Variants in LINGO2 observed in about 807,000 individuals in gnomAD.
The protein encoded by LINGO2 is leucine-rich repeat and immunoglobulin-like domain-containing nogo receptor-interacting protein 2.
LINGO2 carries 14 observed loss-of-function variants against 30.6 expected under a neutral mutation model. The observed-to-expected ratio is 0.46, with a 90% CI of 0.30 to 0.72. The LOEUF (loss-of-function observed/expected upper bound fraction) is 0.72, where lower values mean the gene tolerates loss of function less well. Ranked by LOEUF, LINGO2 falls within the 30% of genes least tolerant of loss-of-function variation. The pLI is 0.07. For synonymous variants in LINGO2, 317 were observed against 288.5 expected, an observed-to-expected ratio of 1.10 and a Z score of -1.00; for missense variants, 729 against 751.7, an observed-to-expected ratio of 0.97 and a Z score of 0.35.
chr9:28,868,983 A>G, the LINGO2 span, among the ~76,000 whole-genome samples: 1 of 152,136 alleles, frequency 6.6e-6, no homozygotes, highest in Non-Finnish European at 1.5e-5. Flanking sequence ...AATATAACAA[A>G]TTTCCAGGCC....
the LINGO2 span, among the ~76,000 whole-genome samples, chr9:29,198,197 G>T: frequency 6.6e-6 from 1 of 152,094 alleles, no homozygotes; most frequent in Admixed American, 6.6e-5. Context: ...GGCATTTTCT[G>T]TGTTGGTTTC....
At chr9:28,882,183 T>C in the LINGO2 span, among the ~76,000 whole-genome samples, 9 of 152,222 alleles carry the variant, frequency 5.9e-5, no homozygotes, top group African/African-American at 2.2e-4. Context: ...TTTAATCTTG[T>C]ATATTCAACT....
chr9:28,176,631 T>C (rs1368186671), intron 4 of LINGO2, among the ~76,000 whole-genome samples: 2 of 152,142 alleles, frequency 1.3e-5, no homozygotes, highest in Non-Finnish European at 2.9e-5. Flanking sequence ...TTTCACCTAA[T>C]CTTTACAACA....
the LINGO2 span, among the ~76,000 whole-genome samples, chr9:28,990,132 T>C: frequency 6.6e-6 from 1 of 152,030 alleles, no homozygotes; most frequent in African/African-American, 2.4e-5. Context: ...GAGTTCCCTT[T>C]CCTAGTCAAA....
At chr9:28,213,423 T>C (rs981693723) in intron 4 of LINGO2, among the ~76,000 whole-genome samples, 1 of 151,412 alleles carries the variant, frequency 6.6e-6, no homozygotes, top group Non-Finnish European at 1.5e-5. Flanking sequence ...TCAAACAATT[T>C]CAAGGAAATA....
chr9:28,739,986 C>T, the LINGO2 span, among the ~76,000 whole-genome samples: 2 of 150,086 alleles, frequency 1.3e-5, no homozygotes, highest in African/African-American at 4.9e-5. Flanking sequence ...CTTGTTTTCC[C>T]AGAATAAATT....
At chr9:28,006,549 T>A (rs1822277683) in intron 5 of LINGO2, among the ~76,000 whole-genome samples, 1 of 152,028 alleles carries the variant, frequency 6.6e-6, no homozygotes, top group Non-Finnish European at 1.5e-5. Flanking sequence ...GACACAGAAT[T>A]TTTTTATTAG....
the LINGO2 span, among the ~76,000 whole-genome samples, chr9:28,698,434 C>T: frequency 6.6e-6 from 1 of 151,990 alleles, no homozygotes; most frequent in Non-Finnish European, 1.5e-5. Context: ...GACTATTCTT[C>T]ATTCAGTAAT....
chr9:28,331,037 T>C (rs1033660370), intron 3 of LINGO2, among the ~76,000 whole-genome samples: 8 of 152,046 alleles, frequency 5.3e-5, no homozygotes, highest in Non-Finnish European at 1.2e-4. Flanking sequence ...TTGACATTGT[T>C]TTAAAAACAA....
At chr9:28,052,966 A>G (rs1394902448) in intron 4 of LINGO2, among the ~76,000 whole-genome samples, 3 of 152,146 alleles carry the variant, frequency 2.0e-5, no homozygotes, top group Admixed American at 1.3e-4. Context: ...CATCCAGTAC[A>G]TGTAAGACAT....
intron 4 of LINGO2, among the ~76,000 whole-genome samples, chr9:28,061,291 G>A (rs944544347): frequency 1.3e-5 from 2 of 150,304 alleles, no homozygotes; most frequent in African/African-American, 4.9e-5. Flanking sequence ...CGTCTATTGG[G>A]CACAATGCAT....
intron 1 of LINGO2, among the ~76,000 whole-genome samples, chr9:28,578,222 T>C (rs1437596817): frequency 6.6e-6 from 1 of 151,908 alleles, no homozygotes; most frequent in African/African-American, 2.4e-5. Context: ...AGGGGAAGAG[T>C]GCCAAAAGCA....
At chr9:28,614,533 T>C (rs902407378) in intron 1 of LINGO2, among the ~76,000 whole-genome samples, 5 of 152,096 alleles carry the variant, frequency 3.3e-5, no homozygotes, top group Non-Finnish European at 7.4e-5. Context: ...AAAAACCATA[T>C]GAATATCCAT....
intron 1 of LINGO2, among the ~76,000 whole-genome samples, chr9:28,649,565 T>G (rs1222518908): frequency 6.6e-6 from 1 of 150,844 alleles, no homozygotes; most frequent in Admixed American, 6.6e-5. Flanking sequence ...ACCTAAATTA[T>G]ATGCTACAAC....
chr9:28,101,086 C>A (rs554019769), intron 4 of LINGO2, among the ~76,000 whole-genome samples: 5 of 151,234 alleles, frequency 3.3e-5, no homozygotes, highest in Admixed American at 6.6e-5. Flanking sequence ...GAAATGATTT[C>A]TGTTTTTAAA....
intron 1 of LINGO2, among the ~76,000 whole-genome samples, chr9:28,643,305 T>G (rs1827685568): frequency 6.6e-6 from 1 of 151,800 alleles, no homozygotes; most frequent in Admixed American, 6.6e-5. Context: ...AGAGCTGTAC[T>G]TAACCAAAAA....
the LINGO2 span, among the ~76,000 whole-genome samples, chr9:28,820,283 G>A: frequency 6.7e-6 from 1 of 148,696 alleles, no homozygotes; most frequent in Non-Finnish European, 1.5e-5. Flanking sequence ...CAAGACTATA[G>A]AAGACCACGT....
chr9:29,195,346 TGTG>T, the LINGO2 span, among the ~76,000 whole-genome samples: 1 of 76,646 alleles, frequency 1.3e-5, no homozygotes, highest in Non-Finnish European at 3.5e-5. Context: ...ACTTTAATAT[TGTG>T]TGTGTGTGTG....
chr9:28,618,055 C>G (rs1417672968), intron 1 of LINGO2, among the ~76,000 whole-genome samples: 3 of 152,110 alleles, frequency 2.0e-5, no homozygotes, highest in Non-Finnish European at 4.4e-5. Flanking sequence ...CAACTAGGAA[C>G]TGGATATTAG....
Sources: gnomAD v4.1 joint callset for allele counts (sites outside exome capture counted in the v4.1 genomes callset) on GRCh38, gnomAD v4.1.1 for gene constraint, MANE v1.5 for transcripts, NCBI Gene and HGNC (gene_info 2026-07-23, HGNC 2026-07-21) for gene names.